HSPA5: variants seen among roughly 807,000 people sequenced by gnomAD.
HSPA5 encodes endoplasmic reticulum chaperone BiP.
In HSPA5, 16 loss-of-function variants were observed where a neutral mutation model predicts 49.5. The observed-to-expected ratio is 0.32, with a 90% CI of 0.22 to 0.49. The LOEUF is 0.49. HSPA5 is among the 20% of genes least tolerant of loss of function. The pLI is 0.99. For synonymous variants in HSPA5, 271 were observed against 307.2 expected (o/e 0.88, Z 1.23); for missense variants, 376 against 819.0 (o/e 0.46, Z 6.60).
In HSPA5 at chr9:125,238,785, C is replaced by G; in HGVS notation, c.1039G>C (p.Glu347Gln). 1 of 1,614,164 alleles carries G rather than the reference C, an allele frequency of 6.2e-7. No individual in the cohort carries two copies. The highest frequency in any genetic ancestry group is 8.5e-7 in the Non-Finnish European group (1 of 1,180,038). ...TCAGACTTCTTCAAATCAGAATCTT[C>G]CAACACTTTCTGGACGGGCTTCATA... The part of the protein sequence containing the change: ...STMKPVQKVL[E>Q]DSDLKKSDID... The change falls in exon 6 of 8, where the codon GAA becomes CAA. Residue 347 changes from glutamate (E) to glutamine (Q), a missense_variant. Glu to Gln is a conservative substitution (Grantham distance 29). Transcript: ENST00000324460.
chr9:125,237,833 G>A (rs1217825192), intron 7 of HSPA5, among the ~76,000 whole-genome samples: 1 of 152,090 alleles, frequency 6.6e-6, no homozygotes, highest in African/African-American at 2.4e-5. Context: ...CTGGCGTGGT[G>A]GCTCACGCCT....
Position 125,241,305 on chromosome 9 carries a change from C to G in HSPA5, c.-179G>C, listed in dbSNP as rs1832563486. 1.3e-5 allele frequency: 9 copies of G among 672,264 alleles called. No individual in the cohort carries two copies. In the Admixed American group the frequency reaches 2.1e-4, roughly 15 times the overall value. 41.6% of individuals were successfully genotyped at this position (672,264 alleles called of 1,614,324 possible). A position where few individuals can be genotyped will look rare whatever the true frequency, so the allele number is the denominator to read the frequency against. Reference sequence around the variant, plus strand: ...TTCCCTCTCACACTCGCGAAACACCCCAATAGGTCAATCTGTCTGTGCTGT... The same window carrying G: ...TTCCCTCTCACACTCGCGAAACACCGCAATAGGTCAATCTGTCTGTGCTGT... On this transcript the variant is annotated 5_prime_UTR_variant, in exon 1 of 8. Coordinates refer to ENST00000324460, the MANE Select transcript of HSPA5 (RefSeq NM_005347.5).
In HSPA5 at chr9:125,239,716, T is replaced by C. The variant is rs901962531; in HGVS notation, c.493-183A>G. 1.4e-5 allele frequency among the ~76,000 whole-genome samples: 2 copies of C among 144,324 alleles called. No homozygotes were observed. The highest frequency in any genetic ancestry group is 5.5e-5 in the African/African-American group (2 of 36,058). 94.7% of individuals were successfully genotyped at this position (144,324 alleles called of 152,430 possible). On this transcript the variant is annotated intron_variant, in intron 3 of 7. Coordinates refer to ENST00000324460, the MANE Select transcript of HSPA5 (RefSeq NM_005347.5). This position sits in a 1 kb window ranked among gnomAD's most constrained non-coding sequence, Gnocchi z 5.5. The stretch of plus-strand genomic sequence containing the variant: ...CAATGTGGAGAAACCCTGTCTCTAC[T>C]GAAAATTAAAAAAAAAAAAAAAAAT...
chr9:125,241,212 A>T lies in HSPA5; in HGVS notation c.-86T>A, dbSNP rs370651883. The T allele has an allele frequency of 1.5e-4, 222 of 1,505,900 alleles. No homozygotes were observed. In the East Asian group the frequency reaches 4.4e-3, roughly 30 times the overall value. The allele number at this position is 1,505,900 out of a possible 1,614,324, so 93.3% of individuals were successfully genotyped here. The stretch of plus-strand genomic sequence containing the variant: ...GCGCAATTTCCGACTTGCAGGCGGC[A>T]GGGGCCCGGGGTCACAAGGCGCCAC... On this transcript the variant is annotated 5_prime_UTR_variant, in exon 1 of 8. Transcript: ENST00000324460.
At position 125,240,461 on chromosome 9, in the gene HSPA5, G is replaced by A. The variant is rs1243537183; in HGVS notation, c.355-152C>T. The A allele has an allele frequency of 9.0e-6, 7 of 780,250 alleles. No individual in the cohort carries two copies. Among genetic ancestry groups the A allele is most frequent in the African/African-American group, 1.8e-5 (1 of 56,996 alleles). 48.3% of individuals were successfully genotyped at this position (780,250 alleles called of 1,614,324 possible). ...TCAGGGAGTATAGGTGTCTTACAAAGTTCAGTTTTAATCGGTCTTTTATTC... is the reference window on the plus strand; with the variant it reads ...TCAGGGAGTATAGGTGTCTTACAAAATTCAGTTTTAATCGGTCTTTTATTC... On this transcript the variant is annotated intron_variant, in intron 2 of 7. Coordinates refer to ENST00000324460, the MANE Select transcript of HSPA5 (RefSeq NM_005347.5). The surrounding 1 kb of genome is among the most constrained non-coding windows in gnomAD (Gnocchi z 4.4).
Position 125,238,101 on chromosome 9 carries a change from C to CA in HSPA5, c.1402+39dup, listed in dbSNP as rs201415298. 6,867 of 1,503,748 alleles carry CA rather than the reference C, an allele frequency of 4.6e-3. 173 individuals are homozygous for CA. The African/African-American group carries it at 0.074, about 16-fold the overall frequency. The allele number at this position is 1,503,748 out of a possible 1,614,324, so 93.2% of individuals were successfully genotyped here. On this transcript the variant is annotated intron_variant, in intron 7 of 7. Transcript: ENST00000324460. ...TGGGCAACAGAGCAAGACTTCATCTCAAAAAAAAAGCCATGATATTAACAA... is the reference window on the plus strand; with the variant it reads ...TGGGCAACAGAGCAAGACTTCATCTCAAAAAAAAAAGCCATGATATTAACAA...
rs901909664 is a variant in HSPA5 at position 125,239,862 on chromosome 9, T to C, written c.492+310A>G. On this transcript the variant is annotated intron_variant, in intron 3 of 7. Transcript: ENST00000324460. The surrounding 1 kb of genome is among the most constrained non-coding windows in gnomAD (Gnocchi z 5.5). ...GAGATCGTGCCACTGCAGTCCAGCC[T>C]GGGCAACAGAGCAAGACTCCATCTC... Among the ~76,000 whole-genome samples the C allele has an allele frequency of 6.6e-6, 1 of 151,746 alleles. No individual in the cohort carries two copies. Among genetic ancestry groups the C allele is most frequent in the Non-Finnish European group, 1.5e-5 (1 of 67,966 alleles).
rs932597665 is a variant in HSPA5 at position 125,235,890 on chromosome 9, T to C, written c.*702A>G. 1.3e-5 allele frequency: 2 copies of C among 151,962 alleles called. No homozygotes were observed. Among genetic ancestry groups the C allele is most frequent in the Non-Finnish European group, 2.9e-5 (2 of 67,982 alleles). The allele number at this position is 151,962 out of a possible 1,614,324, so 9.4% of individuals were successfully genotyped here. A position where few individuals can be genotyped will look rare whatever the true frequency, so the allele number is the denominator to read the frequency against. On this transcript the variant is annotated 3_prime_UTR_variant, in exon 8 of 8. Coordinates refer to ENST00000324460, the MANE Select transcript of HSPA5 (RefSeq NM_005347.5). ...GCAGTTTTAGAAAGATAAGGGGAAA[T>C]AGGAAACCAAGTATGTTCAAGAAAA...
chr9:125,239,564 G>T lies in HSPA5; in HGVS notation c.493-31C>A. On this transcript the variant is annotated intron_variant, in intron 3 of 7. Coordinates refer to ENST00000324460, the MANE Select transcript of HSPA5 (RefSeq NM_005347.5). This position sits in a 1 kb window ranked among gnomAD's most constrained non-coding sequence, Gnocchi z 5.5. ...AGGATAAAAGATAATTAAGTGTATT[G>T]TCACATAGTTTAACCCTTATTTAAA... 6.6e-7 allele frequency: 1 copy of T among 1,519,450 alleles called. No homozygotes were observed. Among genetic ancestry groups the T allele is most frequent in the Non-Finnish European group, 9.1e-7 (1 of 1,094,626 alleles). 94.1% of individuals were successfully genotyped at this position (1,519,450 alleles called of 1,614,324 possible).
chr9:125,237,392 C>G (rs1171465312), intron 7 of HSPA5, among the ~76,000 whole-genome samples: 6 of 152,076 alleles, frequency 3.9e-5, no homozygotes, highest in Non-Finnish European at 7.4e-5. Flanking sequence ...ACTCTAGGAG[C>G]CAGCTCAGAT....
rs367911020 is a variant in HSPA5, at chr9:125,240,122, G to A, written c.492+50C>T. The A allele has an allele frequency of 6.2e-5, 91 of 1,473,554 alleles. No individual in the cohort carries two copies. Among genetic ancestry groups the A allele is most frequent in the Non-Finnish European group, 7.5e-5 (81 of 1,081,300 alleles). 91.3% of individuals were successfully genotyped at this position (1,473,554 alleles called of 1,614,324 possible). On this transcript the variant is annotated intron_variant, in intron 3 of 7. Transcript: ENST00000324460. The surrounding 1 kb of genome is among the most constrained non-coding windows in gnomAD (Gnocchi z 4.4). ...AGGCTTCTATACATAACAGCCAACC[G>A]AGAATACTAATGATCAAAAAATACT... is the stretch of plus-strand genomic sequence containing the variant.
rs1409610387 is a variant in HSPA5, at chr9:125,239,199, G to A, written c.738C>T (p.Ala246=). The A allele has an allele frequency of 3.1e-6, 5 of 1,613,930 alleles. No individual in the cohort carries two copies. The highest frequency in any genetic ancestry group is 4.2e-6 in the Non-Finnish European group (5 of 1,180,022). The change falls in exon 5 of 8, where the codon GCC becomes GCT. Residue 246 remains alanine (A), a synonymous_variant. Coordinates refer to ENST00000324460, the MANE Select transcript of HSPA5 (RefSeq NM_005347.5). The surrounding 1 kb of genome is among the most constrained non-coding windows in gnomAD (Gnocchi z 5.5). The stretch of plus-strand genomic sequence containing the variant: ...CACCCAGATGAGTATCTCCATTAGT[G>A]GCCACAACTTCGAAGACACCATTGT... ...TIDNGVFEVV[A]TNGDTHLGGE... is the part of the protein sequence containing the mutation.
Position 125,241,173 on chromosome 9 carries a change from A to G in HSPA5, c.-47T>C. Reference sequence around the variant, plus strand: ...AGCAGGCAGTCCAGCCACAGGCCGTAGCACAGGAGCACAGCGCAATTTCCG... The same window carrying G: ...AGCAGGCAGTCCAGCCACAGGCCGTGGCACAGGAGCACAGCGCAATTTCCG... On this transcript the variant is annotated 5_prime_UTR_variant, in exon 1 of 8. Coordinates refer to ENST00000324460, the MANE Select transcript of HSPA5 (RefSeq NM_005347.5). 6.4e-7 allele frequency: 1 copy of G among 1,563,690 alleles called. No individual in the cohort carries two copies. The highest frequency in any genetic ancestry group is 8.6e-7 in the Non-Finnish European group (1 of 1,158,494).
Position 125,238,839 on chromosome 9 carries a change from A to G in HSPA5, c.997-12T>C, listed in dbSNP as rs1832528472. On this transcript the variant is annotated splice_polypyrimidine_tract_variant and intron_variant, in intron 5 of 7. Coordinates refer to ENST00000324460, the MANE Select transcript of HSPA5 (RefSeq NM_005347.5). ...GACCGGAACAGATCCTAGAAAAAAG[A>G]CATGGTTACTGTGATGTCTGTTATC... 2 of 1,612,660 alleles carry G rather than the reference A, an allele frequency of 1.2e-6. No individual in the cohort carries two copies. The highest frequency in any genetic ancestry group is 1.1e-5 in the South Asian group (1 of 91,070).
In HSPA5 at chr9:125,240,984, T is replaced by G; in HGVS notation, c.122+21A>C. On this transcript the variant is annotated intron_variant, in intron 1 of 7. Transcript: ENST00000324460. The surrounding 1 kb of genome is among the most constrained non-coding windows in gnomAD (Gnocchi z 4.4). The stretch of plus-strand genomic sequence containing the variant: ...GCCAGGCGGCCACGCCCCGTCCCCC[T>G]GCATCCGCAACCCCACTTACCAGGA... The G allele has an allele frequency of 2.5e-6, 4 of 1,611,736 alleles. No homozygotes were observed. Among genetic ancestry groups the G allele is most frequent in the Non-Finnish European group, 3.4e-6 (4 of 1,178,556 alleles).
rs35356639 is a variant in HSPA5 at position 125,236,930 on chromosome 9, T to G, written c.1627A>C (p.Asn543His). The G allele has an allele frequency of 6.2e-7, 1 of 1,614,004 alleles. No individual in the cohort carries two copies. The highest frequency in any genetic ancestry group is 8.5e-7 in the Non-Finnish European group (1 of 1,179,866). Residue 543 changes from asparagine to histidine, a missense_variant, in exon 8 of 8, where the codon AAT (asparagine) becomes CAT (histidine). Around this residue, in one of 8 missense-constraint regions of HSPA5, gnomAD observed 71 missense variants for 169.9 expected, o/e 0.42. Coordinates refer to ENST00000324460, the MANE Select transcript of HSPA5 (RefSeq NM_005347.5). ...LTPEEIERMVNDAEKFAEEDK... is the reference protein window; with the variant it reads ...LTPEEIERMVHDAEKFAEEDK... ...TCCTCAGCAAACTTCTCAGCATCAT[T>G]AACCATCCTTTCGATTTCTTCAGGT...
rs774567751 is a variant in HSPA5 at position 125,240,996 on chromosome 9, C to G, written c.122+9G>C. The stretch of plus-strand genomic sequence containing the variant: ...CGCCCCGTCCCCCTGCATCCGCAAC[C>G]CCACTTACCAGGAGTAGGTGGTCCC... On this transcript the variant is annotated intron_variant, in intron 1 of 7. Transcript: ENST00000324460. The surrounding 1 kb of genome is among the most constrained non-coding windows in gnomAD (Gnocchi z 4.4). The G allele has an allele frequency of 2.1e-5, 34 of 1,612,486 alleles. No individual in the cohort carries two copies. The East Asian group carries it at 7.6e-4, about 36-fold the overall frequency.
Position 125,241,260 on chromosome 9 carries a change from A to G in HSPA5, c.-134T>C. The G allele has an allele frequency of 9.9e-7, 1 of 1,010,332 alleles. No individual in the cohort carries two copies. Among genetic ancestry groups the G allele is most frequent in the Non-Finnish European group, 1.4e-6 (1 of 691,944 alleles). The allele number at this position is 1,010,332 out of a possible 1,614,324, so 62.6% of individuals were successfully genotyped here. On this transcript the variant is annotated 5_prime_UTR_variant, in exon 1 of 8. Transcript: ENST00000324460. ...CACGAACCAGGCGAAGGGCAGGTCTAGAAATACAGGCCGCGGCGCTTCCCT... is the reference window on the plus strand; with the variant it reads ...CACGAACCAGGCGAAGGGCAGGTCTGGAAATACAGGCCGCGGCGCTTCCCT...
In HSPA5 at chr9:125,236,550, G is replaced by A. The variant is rs1351094724; in HGVS notation, c.*42C>T. 7.3e-7 allele frequency: 1 copy of A among 1,370,196 alleles called. No homozygotes were observed. Among genetic ancestry groups the A allele is most frequent in the African/African-American group, 1.5e-5 (1 of 68,458 alleles). The allele number at this position is 1,370,196 out of a possible 1,614,324, so 84.9% of individuals were successfully genotyped here. A position where few individuals can be genotyped will look rare whatever the true frequency, so the allele number is the denominator to read the frequency against. The stretch of plus-strand genomic sequence containing the variant: ...CAATTTTTTCCTAACAAAAGTTCCT[G>A]AGTCCAGTATTTACAATATTACAGC... On this transcript the variant is annotated 3_prime_UTR_variant, in exon 8 of 8. Transcript: ENST00000324460.
Sources: allele counts gnomAD v4.1 joint callset (sites outside exome capture counted in the v4.1 genomes callset), GRCh38; gene constraint gnomAD v4.1.1; regional missense constraint gnomAD v4.1.1; non-coding constraint Gnocchi (gnomAD v3.1); transcripts MANE v1.5; gene names NCBI Gene and HGNC (gene_info 2026-07-23, HGNC 2026-07-21).